The following DNAAF9 variants were observed in gnomAD, a reference collection of about 807,000 sequenced individuals.
DNAAF9 encodes the protein dynein axonemal assembly factor 9.
In DNAAF9, 90 loss-of-function variants were observed where a neutral mutation model predicts 167.0. That is an observed-to-expected ratio of 0.54 (90% confidence interval 0.45 to 0.64). The LOEUF (loss-of-function observed/expected upper bound fraction) is 0.64, where lower values mean the gene tolerates loss of function less well. Among genes scored for constraint, DNAAF9 ranks in the 30% least tolerant of loss-of-function variants. The pLI is 0.00. For missense variants in DNAAF9, 1,315 were observed against 1,442.2 expected, an observed-to-expected ratio of 0.91 and a Z score of 1.43; for synonymous variants, 491 against 508.8, an observed-to-expected ratio of 0.96 and a Z score of 0.47.
chr20:3,350,927 G>A (rs1355215652), intron 7 of DNAAF9, among the ~76,000 whole-genome samples: 1 of 151,914 alleles, frequency 6.6e-6, no homozygotes, highest in Admixed American at 6.6e-5. Context: ...ATATACAATT[G>A]GAGTAACACC....
At chr20:3,295,500 G>C (rs2069056434) in intron 23 of DNAAF9, 6 of 253,942 alleles carry the variant, frequency 2.4e-5, no homozygotes, top group South Asian at 8.6e-5. Flanking sequence ...TTTTAAAGAA[G>C]CCCAAACACA....
At chr20:3,318,221 T>C (rs1268757584) in intron 17 of DNAAF9, 68 bp downstream of exon 17, 68 of 684,862 alleles carry the variant, frequency 9.9e-5, no homozygotes, top group Middle Eastern at 2.6e-4. Context: ...CCTTAGTTTA[T>C]AGTTTATTTT....
intron 30 of DNAAF9, among the ~76,000 whole-genome samples, chr20:3,268,294 CAA>C (rs776053039): frequency 2.4e-4 from 36 of 151,318 alleles, no homozygotes; most frequent in Non-Finnish European, 4.3e-4. Flanking sequence ...CTCGCCCTCC[CAA>C]AGTGTTGGGA....
chr20:3,387,884 T>TAAAAAAAAAAAAAAAAAAAAAAAA (rs557861791), intron 1 of DNAAF9, among the ~76,000 whole-genome samples: 1 of 87,368 alleles, frequency 1.1e-5, no homozygotes, highest in African/African-American at 4.8e-5. Flanking sequence ...CTACAAAAAG[T>TAAAAAAAAAAAAAAAAAAAAAAAA]AAAAAAAAAA....
intron 6 of DNAAF9, among the ~76,000 whole-genome samples, chr20:3,368,599 G>A (rs146172075): frequency 0.063 from 9,288 of 147,920 alleles, 368 homozygotes; most frequent in Non-Finnish European, 0.082. Context: ...TGAAAGCTCC[G>A]CCACCCAGGT....
rs563632292 is a variant in DNAAF9 at position 3,399,485 on chromosome 20, G to C, written c.83+7990C>G. ...GGCCTCCCAAAGTGCTGGGATTACA[G>C]GCATGAGCCACTGCGCCCGGCCTCC... On this transcript the variant is annotated intron_variant, in intron 1 of 36. Transcript: ENST00000252032. 1.2e-4 allele frequency among the ~76,000 whole-genome samples: 19 copies of C among 152,264 alleles called. No homozygotes were observed. The East Asian group carries it at 3.1e-3, about 25-fold the overall frequency.
At position 3,332,472 on chromosome 20, in the gene DNAAF9, G is replaced by C. The variant is rs911824612; in HGVS notation, c.982-111C>G. The C allele has an allele frequency of 1.9e-5, 10 of 535,808 alleles. No homozygotes were observed. In the East Asian group the frequency reaches 3.0e-4, roughly 16 times the overall value. 33.2% of individuals were successfully genotyped at this position (535,808 alleles called of 1,614,324 possible). A position where few individuals can be genotyped will look rare whatever the true frequency, so the allele number is the denominator to read the frequency against. ...AAATAAATTTTCTTTTTTTTTTTTTGAGACAGAGTCTTACTCTGTCATGTA... is the reference window on the plus strand; with the variant it reads ...AAATAAATTTTCTTTTTTTTTTTTTCAGACAGAGTCTTACTCTGTCATGTA... On this transcript the variant is annotated intron_variant, in intron 10 of 36. Coordinates refer to ENST00000252032, the MANE Select transcript of DNAAF9 (RefSeq NM_001009984.3).
intron 23 of DNAAF9, chr20:3,296,284 G>T: frequency 2.5e-6 from 1 of 399,138 alleles, no homozygotes; most frequent in Non-Finnish European, 4.9e-6. Flanking sequence ...CAAGACAGGT[G>T]AGACGGGCCC....
intron 1 of DNAAF9, among the ~76,000 whole-genome samples, chr20:3,384,672 G>T (rs1160470129): frequency 3.3e-5 from 5 of 151,520 alleles, no homozygotes; most frequent in African/African-American, 1.2e-4. Context: ...CCACACCTGG[G>T]AAAATTTTTT....
At chr20:3,288,015 C>T (rs1295092763) in intron 26 of DNAAF9, among the ~76,000 whole-genome samples, 2 of 152,126 alleles carry the variant, frequency 1.3e-5, no homozygotes, top group Non-Finnish European at 2.9e-5. Flanking sequence ...GATAGGAAAC[C>T]CCTTGCCATA....
chr20:3,377,488 G>A (rs2083591333), intron 3 of DNAAF9, among the ~76,000 whole-genome samples: 1 of 151,060 alleles, frequency 6.6e-6, no homozygotes, highest in African/African-American at 2.4e-5. Context: ...TTTTGACAGG[G>A]TTTCACTCTG....
chr20:3,403,716 C>A (rs1047813062), intron 1 of DNAAF9, among the ~76,000 whole-genome samples: 1 of 152,020 alleles, frequency 6.6e-6, no homozygotes, highest in African/African-American at 2.4e-5. Flanking sequence ...CAACTACAGC[C>A]CCATTACTCT....
At chr20:3,382,193 A>G (rs757372088) in intron 2 of DNAAF9, among the ~76,000 whole-genome samples, 1 of 152,184 alleles carries the variant, frequency 6.6e-6, no homozygotes, top group African/African-American at 2.4e-5. Flanking sequence ...AGGCAGCTAT[A>G]TATGTGAGGC....
At chr20:3,357,365 G>C (rs1454050029) in intron 7 of DNAAF9, among the ~76,000 whole-genome samples, 1 of 152,180 alleles carries the variant, frequency 6.6e-6, no homozygotes, top group Admixed American at 6.5e-5. Flanking sequence ...CAGCTACTTG[G>C]GAGGCGGAGG....
chr20:3,259,452 G>C (rs2122742846), intron 33 of DNAAF9, 28 bp downstream of exon 33: 2 of 1,426,012 alleles, frequency 1.4e-6, no homozygotes, highest in Non-Finnish European at 2.0e-6. Context: ...CCATGGTGTA[G>C]AGCTCCCAAA....
chr20:3,331,491 AC>A (rs1248311835), intron 11 of DNAAF9, among the ~76,000 whole-genome samples: 2 of 152,056 alleles, frequency 1.3e-5, no homozygotes, highest in Non-Finnish European at 2.9e-5. Context: ...GATACCTGCA[AC>A]TTCTGGTTAC....
intron 6 of DNAAF9, among the ~76,000 whole-genome samples, chr20:3,372,468 AT>A (rs1686835205): frequency 6.6e-6 from 1 of 152,208 alleles, no homozygotes. Context: ...GGCCCATCCC[AT>A]TTCCTAAAAA....
intron 28 of DNAAF9, among the ~76,000 whole-genome samples, chr20:3,280,420 C>T (rs2068745779): frequency 1.3e-5 from 2 of 151,808 alleles, no homozygotes; most frequent in Non-Finnish European, 2.9e-5. Flanking sequence ...AAAAAATTAG[C>T]CGGGCATGGT....
chr20:3,345,595 G>C (rs1324765205), intron 8 of DNAAF9, among the ~76,000 whole-genome samples: 2 of 152,088 alleles, frequency 1.3e-5, no homozygotes, highest in African/African-American at 4.8e-5. Context: ...TTGGATTAGG[G>C]ATCTAAATGT....
Sources: gnomAD v4.1 joint callset for allele counts (sites outside exome capture counted in the v4.1 genomes callset) on GRCh38, gnomAD v4.1.1 for gene constraint, MANE v1.5 for transcripts, NCBI Gene and HGNC (gene_info 2026-07-23, HGNC 2026-07-21) for gene names.